REDIC1: variants seen among roughly 807,000 people sequenced by gnomAD.
REDIC1 encodes HEI10 Interacting Protein 1.
the REDIC1 span, among the ~76,000 whole-genome samples, chr12:39,639,141 A>G: frequency 6.6e-6 from 1 of 152,064 alleles, no homozygotes; most frequent in East Asian, 1.9e-4. Flanking sequence ...ATGGAGAATA[A>G]ACTGATTTCT....
the REDIC1 span, among the ~76,000 whole-genome samples, chr12:39,832,800 C>G: frequency 6.6e-6 from 1 of 152,094 alleles, no homozygotes; most frequent in African/African-American, 2.4e-5. Flanking sequence ...CTCTATCATT[C>G]CATTATACCC....
chr12:39,728,940 A>G, the REDIC1 span, among the ~76,000 whole-genome samples: 2 of 151,970 alleles, frequency 1.3e-5, no homozygotes, highest in East Asian at 3.8e-4. Flanking sequence ...TTCTAGTTAT[A>G]TCTGCATAGA....
chr12:39,727,084 G>T, the REDIC1 span, among the ~76,000 whole-genome samples: 9 of 152,144 alleles, frequency 5.9e-5, no homozygotes, highest in African/African-American at 1.7e-4. Context: ...CAGATGGATA[G>T]ATTGCAAAAA....
At chr12:39,711,289 GTA>G in the REDIC1 span, among the ~76,000 whole-genome samples, 4 of 146,886 alleles carry the variant, frequency 2.7e-5, no homozygotes, top group African/African-American at 5.0e-5. Flanking sequence ...CATATATAGT[GTA>G]TATATAACAT....
chr12:39,684,697 G>A, the REDIC1 span, among the ~76,000 whole-genome samples: 1 of 152,152 alleles, frequency 6.6e-6, no homozygotes, highest in Non-Finnish European at 1.5e-5. Context: ...TACCAAGATT[G>A]ACCCGCACAT....
At chr12:39,898,244 T>C in the REDIC1 span, among the ~76,000 whole-genome samples, 2 of 152,154 alleles carry the variant, frequency 1.3e-5, no homozygotes, top group African/African-American at 4.8e-5. Context: ...ATCAAATTAC[T>C]GCACAGAAAA....
At chr12:39,734,322 T>A in the REDIC1 span, among the ~76,000 whole-genome samples, 2 of 152,328 alleles carry the variant, frequency 1.3e-5, no homozygotes, top group South Asian at 4.1e-4. Flanking sequence ...TTGATCTCAC[T>A]GGGAGTTGCA....
the REDIC1 span, among the ~76,000 whole-genome samples, chr12:39,809,174 T>C: frequency 6.6e-6 from 1 of 152,198 alleles, no homozygotes; most frequent in South Asian, 2.1e-4. Context: ...AAAAGACTAT[T>C]CTTTCCCCAT....
At chr12:39,676,233 G>T in the REDIC1 span, among the ~76,000 whole-genome samples, 2 of 150,980 alleles carry the variant, frequency 1.3e-5, no homozygotes, top group South Asian at 4.2e-4. Flanking sequence ...GGTCTTCAGA[G>T]AAATAGATGT....
the REDIC1 span, among the ~76,000 whole-genome samples, chr12:39,667,260 T>C: frequency 1.3e-5 from 2 of 152,216 alleles, no homozygotes; most frequent in African/African-American, 4.8e-5. Context: ...GATTCTGGTA[T>C]GTTGTGTCTT....
At chr12:39,858,116 T>A in the REDIC1 span, among the ~76,000 whole-genome samples, 5 of 152,220 alleles carry the variant, frequency 3.3e-5, no homozygotes, top group Non-Finnish European at 5.9e-5. Flanking sequence ...CAAGAAGCTC[T>A]TGTATCCTTC....
At chr12:39,905,441 C>T in the REDIC1 span, among the ~76,000 whole-genome samples, 2 of 152,118 alleles carry the variant, frequency 1.3e-5, no homozygotes, top group East Asian at 3.9e-4. Flanking sequence ...AAACTCCAGG[C>T]TGAATGTATC....
At chr12:39,796,053 C>G in the REDIC1 span, among the ~76,000 whole-genome samples, 3 of 152,176 alleles carry the variant, frequency 2.0e-5, no homozygotes, top group Non-Finnish European at 4.4e-5. Context: ...CTTCTCCCCC[C>G]AGCCTCTGGC....
the REDIC1 span, among the ~76,000 whole-genome samples, chr12:39,771,480 C>T: frequency 6.6e-6 from 1 of 152,098 alleles, no homozygotes; most frequent in African/African-American, 2.4e-5. Flanking sequence ...AAGTCCTCAG[C>T]ACAAAACCAC....
At chr12:39,716,535 C>T in the REDIC1 span, among the ~76,000 whole-genome samples, 2 of 151,978 alleles carry the variant, frequency 1.3e-5, no homozygotes, top group East Asian at 3.9e-4. Context: ...ACCCTTATTT[C>T]ATTTCTAGCT....
chr12:39,781,534 A>G, the REDIC1 span, among the ~76,000 whole-genome samples: 1 of 152,248 alleles, frequency 6.6e-6, no homozygotes, highest in African/African-American at 2.4e-5. Flanking sequence ...CCATTTCACA[A>G]ATGTAACAAA....
the REDIC1 span, among the ~76,000 whole-genome samples, chr12:39,780,121 T>C: frequency 6.6e-6 from 1 of 152,236 alleles, no homozygotes; most frequent in Admixed American, 6.5e-5. Flanking sequence ...ACTTACCGTA[T>C]ACAAAACACC....
At chr12:39,866,551 T>C in the REDIC1 span, among the ~76,000 whole-genome samples, 1 of 152,142 alleles carries the variant, frequency 6.6e-6, no homozygotes, top group Non-Finnish European at 1.5e-5. Flanking sequence ...CGATCTCGGC[T>C]CACTGCAGGC....
chr12:39,858,592 G>A, the REDIC1 span, among the ~76,000 whole-genome samples: 2 of 152,042 alleles, frequency 1.3e-5, no homozygotes, highest in Admixed American at 1.3e-4. Context: ...GGGCTAATAG[G>A]GTTTTTACAC....
Sources: gnomAD v4.1 joint callset for allele counts (sites outside exome capture counted in the v4.1 genomes callset) on GRCh38, gnomAD v4.1.1 for gene constraint, MANE v1.5 for transcripts, NCBI Gene and HGNC (gene_info 2026-07-23, HGNC 2026-07-21) for gene names.